The following RSRC1 variants were observed in gnomAD, a reference collection of about 807,000 sequenced individuals.
RSRC1 encodes arginine and serine rich coiled-coil 1.
RSRC1 carries 39 observed loss-of-function variants against 49.1 expected under a neutral mutation model. That is an observed-to-expected ratio of 0.79 (90% confidence interval 0.61 to 1.04). RSRC1 has a LOEUF of 1.04. RSRC1 is among the 50% of genes least tolerant of loss of function. The pLI is 0.00. For missense variants in RSRC1, 388 were observed against 402.4 expected, an observed-to-expected ratio of 0.96 and a Z score of 0.31; for synonymous variants, 143 against 130.8, an observed-to-expected ratio of 1.09 and a Z score of -0.63.
Position 158,376,327 on chromosome 3 carries a change from T to TTTTTGTAAATTTTTGTAAA in RSRC1, c.583+21433_583+21434insGTAAATTTTGTAAATTTTT, listed in dbSNP as rs1377138834. 4.6e-5 allele frequency among the ~76,000 whole-genome samples: 7 copies of TTTTTGTAAATTTTTGTAAA among 151,346 alleles called. No individual in the cohort carries two copies. In the East Asian group the frequency reaches 1.2e-3, roughly 25 times the overall value. On this transcript the variant is annotated intron_variant, in intron 6 of 9. Coordinates refer to ENST00000611884, the MANE Select transcript of RSRC1 (RefSeq NM_001271838.2). Reference sequence around the variant, plus strand: ...GACATGTGCCACCACTCCTGGCTAATTTTTGTAAATTTTTTGTAGAGACGG... The same window carrying TTTTTGTAAATTTTTGTAAA: ...GACATGTGCCACCACTCCTGGCTAATTTTTGTAAATTTTTGTAAATTTTGTAAATTTTTTGTAGAGACGG...
chr3:158,244,553 G>A (rs1439413445), intron 4 of RSRC1, among the ~76,000 whole-genome samples: 1 of 152,154 alleles, frequency 6.6e-6, no homozygotes, highest in Non-Finnish European at 1.5e-5. Flanking sequence ...TTGCATCAAT[G>A]TTCATCAAGG....
At chr3:158,245,004 GT>G (rs3052859) in intron 4 of RSRC1, among the ~76,000 whole-genome samples, 27 of 128,932 alleles carry the variant, frequency 2.1e-4, no homozygotes, top group Middle Eastern at 4.2e-3. Flanking sequence ...TTTTTCAAAG[GT>G]TTTTTTTTTT....
chr3:158,417,931 C>G (rs1280285129), intron 6 of RSRC1, among the ~76,000 whole-genome samples: 1 of 151,838 alleles, frequency 6.6e-6, no homozygotes, highest in Non-Finnish European at 1.5e-5. Context: ...AAGAGCCTAT[C>G]AAATTGCTTT....
At chr3:158,229,473 T>G (rs1294139545) in intron 4 of RSRC1, among the ~76,000 whole-genome samples, 1 of 150,708 alleles carries the variant, frequency 6.6e-6, no homozygotes, top group Non-Finnish European at 1.5e-5. Flanking sequence ...TATACATAAT[T>G]ATATTCACAA....
intron 6 of RSRC1, among the ~76,000 whole-genome samples, chr3:158,439,678 A>G (rs1052722985): frequency 7.2e-5 from 11 of 152,228 alleles, no homozygotes; most frequent in Non-Finnish European, 7.4e-5. Context: ...GTGGGGGGCT[A>G]GGAGAGGGAT....
chr3:158,508,481 G>A (rs1254491397), intron 7 of RSRC1, among the ~76,000 whole-genome samples: 2 of 151,576 alleles, frequency 1.3e-5, no homozygotes. Context: ...CGTACCTAAT[G>A]AGTGTCACCT....
chr3:158,483,947 A>G (rs1268059998), intron 7 of RSRC1, among the ~76,000 whole-genome samples: 1 of 152,112 alleles, frequency 6.6e-6, no homozygotes. Flanking sequence ...TTCCTTTTCT[A>G]GCTTAGTGAT....
At chr3:158,422,902 CG>C (rs1472785397) in intron 6 of RSRC1, among the ~76,000 whole-genome samples, 2 of 151,780 alleles carry the variant, frequency 1.3e-5, no homozygotes, top group African/African-American at 2.4e-5. Flanking sequence ...TCATGTCCTT[CG>C]CCCACTTTTT....
At chr3:158,455,901 A>G (rs1737283175) in intron 6 of RSRC1, among the ~76,000 whole-genome samples, 1 of 140,756 alleles carries the variant, frequency 7.1e-6, no homozygotes, top group Non-Finnish European at 1.5e-5. Flanking sequence ...AATCGCTTGA[A>G]CCCAGGAAGC....
At chr3:158,286,952 G>A (rs920557195) in intron 4 of RSRC1, among the ~76,000 whole-genome samples, 1 of 152,092 alleles carries the variant, frequency 6.6e-6, no homozygotes, top group African/African-American at 2.4e-5. Context: ...TCAGCCTTCC[G>A]AGTATCTGGG....
intron 4 of RSRC1, among the ~76,000 whole-genome samples, chr3:158,293,938 C>T (rs956096609): frequency 6.6e-6 from 1 of 151,876 alleles, no homozygotes; most frequent in Admixed American, 6.6e-5. Context: ...TTTTTCATTC[C>T]GGAAGCTTTT....
intron 6 of RSRC1, among the ~76,000 whole-genome samples, chr3:158,389,855 A>G (rs1267275473): frequency 6.6e-6 from 1 of 152,168 alleles, no homozygotes; most frequent in Non-Finnish European, 1.5e-5. Flanking sequence ...TACCAACTTA[A>G]TGCTACTTGC....
rs760039039 is a variant in RSRC1, at chr3:158,122,143, A to G, written c.39A>G (p.Arg13=). 9 of 1,565,828 alleles carry G rather than the reference A, an allele frequency of 5.7e-6. No individual in the cohort carries two copies. The highest frequency in any genetic ancestry group is 6.9e-6 in the Non-Finnish European group (8 of 1,157,476). Residue 13 remains arginine (R), a synonymous_variant, in exon 2 of 10, where the codon AGA becomes AGG. Transcript: ENST00000611884. ...RRSSDTEEES[R]SKRKKKHRRR... The stretch of plus-strand genomic sequence containing the variant: ...CATCAGATACTGAAGAAGAAAGCAG[A>G]AGCAAGAGAAAAAAGAAACACCGTA...
chr3:158,168,522 C>T (rs1368417471), intron 3 of RSRC1, among the ~76,000 whole-genome samples: 2 of 152,288 alleles, frequency 1.3e-5, no homozygotes, highest in South Asian at 2.1e-4. Context: ...CATATTAAAA[C>T]ATCTCAGTGA....
chr3:158,203,091 C>A lies in RSRC1; in HGVS notation c.340C>A (p.Leu114Ile), dbSNP rs529853947. 9.3e-6 allele frequency: 15 copies of A among 1,613,092 alleles called. No individual in the cohort carries two copies. The highest frequency in any genetic ancestry group is 1.2e-5 in the Non-Finnish European group (14 of 1,179,392). The change falls in exon 4 of 10, where the codon CTC (leucine) becomes ATC (isoleucine). Residue 114 changes from leucine (L) to isoleucine (I), a missense_variant. Coordinates refer to ENST00000611884, the MANE Select transcript of RSRC1 (RefSeq NM_001271838.2). Reference protein sequence around the residue: ...RTRRSRSRPRLRSHSRSSERS... With the variant: ...RTRRSRSRPRIRSHSRSSERS... ...CTGTAGGTCCAGGTCAAGACCTCGT[C>A]TCCGTTCTCATAGTCGTAGCAGTGA...
At chr3:158,274,896 A>G (rs1238750378) in intron 4 of RSRC1, among the ~76,000 whole-genome samples, 3 of 152,226 alleles carry the variant, frequency 2.0e-5, no homozygotes, top group Non-Finnish European at 2.9e-5. Flanking sequence ...GAATACACAC[A>G]GTGGGTAACC....
chr3:158,350,181 T>A (rs1037257397), intron 5 of RSRC1, among the ~76,000 whole-genome samples: 4 of 139,554 alleles, frequency 2.9e-5, no homozygotes, highest in African/African-American at 1.1e-4. Flanking sequence ...TATATATAAT[T>A]TTTTTTTTTT....
intron 3 of RSRC1, among the ~76,000 whole-genome samples, chr3:158,192,751 A>G (rs1326400011): frequency 1.3e-5 from 2 of 152,094 alleles, no homozygotes; most frequent in Admixed American, 6.6e-5. Flanking sequence ...GACTTGGATG[A>G]TAGGTGATAT....
chr3:158,129,723 C>T (rs571726082), intron 3 of RSRC1, among the ~76,000 whole-genome samples: 4 of 152,222 alleles, frequency 2.6e-5, no homozygotes, highest in African/African-American at 9.6e-5. Flanking sequence ...TAGTCTTAGA[C>T]AATTTTGATT....
Sources: allele counts gnomAD v4.1 joint callset (sites outside exome capture counted in the v4.1 genomes callset), GRCh38; gene constraint gnomAD v4.1.1; transcripts MANE v1.5; gene names NCBI Gene and HGNC (gene_info 2026-07-23, HGNC 2026-07-21).